FSTL5: variants seen among roughly 807,000 people sequenced by gnomAD.
The protein encoded by FSTL5 is follistatin-related protein 5.
FSTL5 carries 62 observed loss-of-function variants against 89.1 expected under a neutral mutation model. The ratio of observed to expected loss-of-function variants is 0.70; its 90% CI spans 0.57 to 0.86. FSTL5 has a LOEUF of 0.86. FSTL5 is among the 40% of genes least tolerant of loss of function. The probability of loss-of-function intolerance (pLI) is 0.00; values close to 1 mark genes in which losing one functional copy is unlikely to be tolerated. For missense variants in FSTL5, 1,057 were observed against 1,001.6 expected (o/e 1.06, Z -0.75); for synonymous variants, 383 against 346.2 (o/e 1.11, Z -1.18).
intron 8 of FSTL5, among the ~76,000 whole-genome samples, chr4:161,563,733 C>T (rs1291339351): frequency 6.6e-6 from 1 of 151,926 alleles, no homozygotes; most frequent in African/African-American, 2.4e-5. Context: ...AACAATTTGG[C>T]CAGAAAGTGC....
At chr4:161,634,103 A>G (rs1363660835) in intron 7 of FSTL5, among the ~76,000 whole-genome samples, 2 of 152,222 alleles carry the variant, frequency 1.3e-5, no homozygotes, top group Admixed American at 6.5e-5. Context: ...ATATCCCTAG[A>G]CAATTAAATA....
At chr4:161,726,048 G>A (rs1193334611) in intron 6 of FSTL5, among the ~76,000 whole-genome samples, 1 of 152,054 alleles carries the variant, frequency 6.6e-6, no homozygotes, top group African/African-American at 2.4e-5. Flanking sequence ...CGGTAAAAAA[G>A]CTGGTGAGGA....
intron 6 of FSTL5, among the ~76,000 whole-genome samples, chr4:161,708,035 G>C (rs920394655): frequency 6.6e-6 from 1 of 152,008 alleles, no homozygotes; most frequent in African/African-American, 2.4e-5. Context: ...ATTCTACTGA[G>C]TGCATGTATT....
At chr4:162,065,640 A>G (rs967318662) in intron 2 of FSTL5, among the ~76,000 whole-genome samples, 1 of 152,034 alleles carries the variant, frequency 6.6e-6, no homozygotes, top group African/African-American at 2.4e-5. Flanking sequence ...GCCATTATAG[A>G]AAAAGGTGTG....
chr4:161,829,164 T>C (rs1396825722), intron 4 of FSTL5, among the ~76,000 whole-genome samples: 2 of 147,588 alleles, frequency 1.4e-5, no homozygotes, highest in South Asian at 2.1e-4. Flanking sequence ...TATATATATG[T>C]ACACAGACAC....
chr4:161,489,942 T>C (rs1165437704), intron 12 of FSTL5, among the ~76,000 whole-genome samples: 1 of 152,104 alleles, frequency 6.6e-6, no homozygotes, highest in Non-Finnish European at 1.5e-5. Context: ...CAGTCCTATC[T>C]TGTAGAATTC....
rs142989869 is a variant in FSTL5 at position 161,747,428 on chromosome 4, C to G, written c.727+11983G>C. On this transcript the variant is annotated intron_variant, in intron 6 of 15. Transcript: ENST00000306100. ...GTACAATATGCCATATACTAAAATG[C>G]CTGATTTACTTGTTTATTCAATAAA... Among the ~76,000 whole-genome samples the G allele has an allele frequency of 3.9e-5, 6 of 152,202 alleles. No individual in the cohort carries two copies. In the East Asian group the frequency reaches 1.2e-3, roughly 29 times the overall value.
At position 161,980,216 on chromosome 4, in the gene FSTL5, GGAAAGAAGAAAGGAA is replaced by G. The variant is rs1198462903; in HGVS notation, c.160+53394_160+53408del. On this transcript the variant is annotated intron_variant, in intron 3 of 15. Transcript: ENST00000306100. Reference sequence around the variant, plus strand: ...AGGAAGGAGAGAGAGAAAAAGGAAAGGAAAGAAGAAAGGAAGAAAGAAGAAAGGAAGAAGGAAGAA... The same window carrying G: ...AGGAAGGAGAGAGAGAAAAAGGAAAGGAAAGAAGAAAGGAAGAAGGAAGAA... Among the ~76,000 whole-genome samples, 26 of 140,940 alleles carry G rather than the reference GGAAAGAAGAAAGGAA, an allele frequency of 1.8e-4. 1 individual carries two copies. In the South Asian group the frequency reaches 4.1e-3, roughly 22 times the overall value. The allele number at this position is 140,940 out of a possible 152,430, so 92.5% of individuals were successfully genotyped here.
At chr4:161,461,476 AAAAAAAAAAAAAAAG>A (rs1457233138) in intron 13 of FSTL5, among the ~76,000 whole-genome samples, 42 of 149,324 alleles carry the variant, frequency 2.8e-4, no homozygotes, top group African/African-American at 1.0e-3. Context: ...AAAAAAAAAA[AAAAAAAAAAAAAAAG>A]AGGAAAACCC....
chr4:161,489,028 A>G (rs1475172517), intron 12 of FSTL5, among the ~76,000 whole-genome samples: 3 of 152,152 alleles, frequency 2.0e-5, no homozygotes, highest in East Asian at 3.8e-4. Flanking sequence ...TGATGAAAAA[A>G]ATTATTTGAA....
intron 8 of FSTL5, among the ~76,000 whole-genome samples, chr4:161,569,796 CACA>C (rs779750181): frequency 0.01 from 1,287 of 123,522 alleles, 13 homozygotes; most frequent in South Asian, 0.034. Flanking sequence ...CACACACACA[CACA>C]CCCCACATTG....
intron 4 of FSTL5, among the ~76,000 whole-genome samples, chr4:161,886,098 G>A (rs1579168442): frequency 6.6e-6 from 1 of 152,026 alleles, no homozygotes; most frequent in Non-Finnish European, 1.5e-5. Context: ...GAAGCAATTC[G>A]CAGTACTATT....
chr4:162,015,799 C>T (rs914784180), intron 3 of FSTL5, among the ~76,000 whole-genome samples: 39 of 152,220 alleles, frequency 2.6e-4, no homozygotes, highest in African/African-American at 9.1e-4. Flanking sequence ...TTTGTACTTG[C>T]CATAAAATAG....
intron 12 of FSTL5, among the ~76,000 whole-genome samples, chr4:161,497,550 C>T (rs1211631792): frequency 6.6e-6 from 1 of 151,972 alleles, no homozygotes; most frequent in African/African-American, 2.4e-5. Context: ...CTTAAAAATG[C>T]AACAGGCTTT....
chr4:161,916,752 A>G (rs998343121), intron 4 of FSTL5, among the ~76,000 whole-genome samples: 12 of 152,230 alleles, frequency 7.9e-5, no homozygotes, highest in Admixed American at 5.2e-4. Context: ...TATATTTAAA[A>G]GTCAATAATA....
intron 12 of FSTL5, among the ~76,000 whole-genome samples, chr4:161,489,112 T>C (rs557522433): frequency 1.8e-4 from 28 of 152,086 alleles, no homozygotes; most frequent in Non-Finnish European, 2.1e-4. Context: ...GAAAAGCTGG[T>C]TTAAAAAGAC....
At chr4:161,716,317 G>T (rs1259405461) in intron 6 of FSTL5, among the ~76,000 whole-genome samples, 2 of 152,036 alleles carry the variant, frequency 1.3e-5, no homozygotes, top group African/African-American at 2.4e-5. Context: ...AGCACTTCCA[G>T]CCAGGCGCAG....
chr4:161,428,782 T>C (rs1732251031), intron 15 of FSTL5, among the ~76,000 whole-genome samples: 1 of 152,096 alleles, frequency 6.6e-6, no homozygotes, highest in Non-Finnish European at 1.5e-5. Context: ...GCTTCAAGTG[T>C]GACGAAGCAC....
intron 8 of FSTL5, 65 bp from the exon 9 acceptor site, chr4:161,542,758 G>A: frequency 9.8e-7 from 1 of 1,023,518 alleles, no homozygotes. Flanking sequence ...TTTTCCAAAA[G>A]AAAAATTGCA....
Sources: gnomAD v4.1 joint callset for allele counts (sites outside exome capture counted in the v4.1 genomes callset) on GRCh38, gnomAD v4.1.1 for gene constraint, MANE v1.5 for transcripts, NCBI Gene and HGNC (gene_info 2026-07-23, HGNC 2026-07-21) for gene names.